The following PTRH1 variants were observed in gnomAD, a reference collection of about 807,000 sequenced individuals.
The protein encoded by PTRH1 is peptidyl-tRNA hydrolase.
In PTRH1, 13 loss-of-function variants were observed where a neutral mutation model predicts 15.7. The ratio of observed to expected loss-of-function variants is 0.83; its 90% CI spans 0.54 to 1.31. The LOEUF (loss-of-function observed/expected upper bound fraction) is 1.31, where lower values mean the gene tolerates loss of function less well. PTRH1 is among the 40% of genes most tolerant of loss of function. The pLI is 0.00. For missense variants in PTRH1, 319 were observed against 296.2 expected, an observed-to-expected ratio of 1.08 and a Z score of -0.56; for synonymous variants, 139 against 136.7, an observed-to-expected ratio of 1.02 and a Z score of -0.12.
chr9:127,713,496 C>CTT (rs58502035), downstream of PTRH1: 73 of 90,930 alleles, frequency 8.0e-4, no homozygotes, highest in East Asian at 1.1e-3. Flanking sequence ...CAGCATCTTT[C>CTT]TTTTTTTTTT....
At chr9:127,704,199 G>A (rs991814798) in intron 1 of PTRH1, among the ~76,000 whole-genome samples, 1 of 152,164 alleles carries the variant, frequency 6.6e-6, no homozygotes, top group Non-Finnish European at 1.5e-5. Context: ...TCCAACATGT[G>A]AGAGTACATA....
At chr9:127,695,709 T>C (rs1317821274) in intron 1 of PTRH1, 1 of 150,912 alleles carries the variant, frequency 6.6e-6, no homozygotes, top group Non-Finnish European at 1.5e-5. Context: ...CCTCTTCTTC[T>C]TCCCCCGACC....
intron 1 of PTRH1, chr9:127,695,151 A>G (rs1173266835): frequency 1.4e-6 from 1 of 692,250 alleles, no homozygotes; most frequent in East Asian, 2.7e-5. Context: ...CCTGGGGAGA[A>G]AAGAATAAAT....
chr9:127,712,326 T>A, downstream of PTRH1: 1 of 1,613,862 alleles, frequency 6.2e-7, no homozygotes, highest in East Asian at 2.2e-5. Flanking sequence ...CCAGGCCACC[T>A]CCTTCCTACA....
chr9:127,712,037 C>G (rs1411422198), downstream of PTRH1: 10 of 1,521,012 alleles, frequency 6.6e-6, no homozygotes, highest in Admixed American at 2.1e-4. Flanking sequence ...CGACCCAGGC[C>G]AGTGACTTCC....
downstream of PTRH1, chr9:127,712,908 A>G: frequency 6.3e-7 from 1 of 1,594,998 alleles, no homozygotes; most frequent in Non-Finnish European, 8.5e-7. Context: ...CCTCAGAGGC[A>G]GCCACAGAGA....
Position 127,715,442 on chromosome 9 carries a change from G to T in PTRH1, c.96+102C>A. 1.3e-6 allele frequency: 2 copies of T among 1,528,842 alleles called. No homozygotes were observed. Among genetic ancestry groups the T allele is most frequent in the Admixed American group, 1.8e-5 (1 of 55,102 alleles). 94.7% of individuals were successfully genotyped at this position (1,528,842 alleles called of 1,614,324 possible). On this transcript the variant is annotated intron_variant, in intron 1 of 4. Coordinates refer to ENST00000543175, the MANE Select transcript of PTRH1 (RefSeq NM_001002913.3). The surrounding 1 kb of genome is among the most constrained non-coding windows in gnomAD (Gnocchi z 5.8). ...GTCGAGCACTGAACTCACCAGTTAA[G>T]AAAACAGAGCAGCAATTTGGGGGCA...
downstream of PTRH1, chr9:127,712,977 T>C (rs764999071): frequency 6.2e-7 from 1 of 1,603,274 alleles, no homozygotes; most frequent in Non-Finnish European, 8.5e-7. Flanking sequence ...GCCAGAAACC[T>C]GGCTCGCCGA....
chr9:127,715,468 C>T lies in PTRH1; in HGVS notation c.96+76G>A. 1 of 1,597,282 alleles carries T rather than the reference C, an allele frequency of 6.3e-7. No homozygotes were observed. On this transcript the variant is annotated intron_variant, in intron 1 of 4. Coordinates refer to ENST00000543175, the MANE Select transcript of PTRH1 (RefSeq NM_001002913.3). The surrounding 1 kb of genome is among the most constrained non-coding windows in gnomAD (Gnocchi z 5.8). ...AAAACAGAGCAGCAATTTGGGGGCA[C>T]TCGGCTCCCGGGACATAATGGCCGA...
At chr9:127,706,045 A>G (rs935731978) in intron 1 of PTRH1, among the ~76,000 whole-genome samples, 1 of 152,258 alleles carries the variant, frequency 6.6e-6, no homozygotes, top group Non-Finnish European at 1.5e-5. Context: ...AAGTGCCCCC[A>G]GCATCCCTGG....
At chr9:127,701,126 T>A (rs1208104522) in intron 1 of PTRH1, among the ~76,000 whole-genome samples, 1 of 152,212 alleles carries the variant, frequency 6.6e-6, no homozygotes, top group Non-Finnish European at 1.5e-5. Context: ...AGCCAACCCG[T>A]TCAGCATAAA....
At chr9:127,697,070 G>A (rs1329455676) in intron 1 of PTRH1, among the ~76,000 whole-genome samples, 1 of 152,158 alleles carries the variant, frequency 6.6e-6, no homozygotes, top group African/African-American at 2.4e-5. Context: ...CTGGTCCCCT[G>A]TGCATTACCT....
In PTRH1 at chr9:127,715,064, A is replaced by G; in HGVS notation, c.227T>C (p.Leu76Pro). Residue 76 changes from leucine to proline, a missense_variant, in exon 2 of 5, where the codon CTC becomes CCC. Physicochemically the swap from Leu to Pro is moderately conservative, Grantham distance 98. Coordinates refer to ENST00000543175, the MANE Select transcript of PTRH1 (RefSeq NM_001002913.3). This position sits in a 1 kb window ranked among gnomAD's most constrained non-coding sequence, Gnocchi z 5.8. ...GGCATCCCCCAGCGGGGCCAGGGCG[A>G]GGTCGGCGGCACAGTGCCGGTCGCG... ...WTRDRHCAAD[L>P]ALAPLGDAQL... The G allele has an allele frequency of 6.5e-7, 1 of 1,527,920 alleles. No individual in the cohort carries two copies. The highest frequency in any genetic ancestry group is 8.7e-7 in the Non-Finnish European group (1 of 1,143,512). The allele number at this position is 1,527,920 out of a possible 1,614,324, so 94.6% of individuals were successfully genotyped here. A position where few individuals can be genotyped will look rare whatever the true frequency, so the allele number is the denominator to read the frequency against.
chr9:127,695,366 T>C (rs985407128), intron 1 of PTRH1: 3 of 509,010 alleles, frequency 5.9e-6, no homozygotes, highest in Non-Finnish European at 1.0e-5. Flanking sequence ...TATATAAAGC[T>C]TCAATGTTGC....
At chr9:127,694,661 C>T (rs902307354) in intron 2 of PTRH1, among the ~76,000 whole-genome samples, 2 of 151,920 alleles carry the variant, frequency 1.3e-5, no homozygotes, top group Non-Finnish European at 2.9e-5. Flanking sequence ...GAGGTGGGTG[C>T]ACAGGCCCCC....
At position 127,715,070 on chromosome 9, in the gene PTRH1, GC is replaced by G. The variant is rs764856136; in HGVS notation, c.220del (p.Ala74ProfsTer22). 6.5e-7 allele frequency: 1 copy of G among 1,528,504 alleles called. No homozygotes were observed. The highest frequency in any genetic ancestry group is 1.2e-5 in the South Asian group (1 of 83,398). 94.7% of individuals were successfully genotyped at this position (1,528,504 alleles called of 1,614,324 possible). ...CCCCAGCGGGGCCAGGGCGAGGTCG[GC>G]GGCACAGTGCCGGTCGCGCGTCCAA... is the stretch of plus-strand genomic sequence containing the variant. Reference protein sequence around the residue: ...ESWTRDRHCAADLALAPLGDA... With the variant: ...ESWTRDRHCAXDLALAPLGDA... On this transcript the variant is annotated frameshift_variant, in exon 2 of 5. Coordinates refer to ENST00000543175, the MANE Select transcript of PTRH1 (RefSeq NM_001002913.3). LOFTEE classifies it high-confidence loss of function. The surrounding 1 kb of genome is among the most constrained non-coding windows in gnomAD (Gnocchi z 5.8).
chr9:127,696,966 T>C (rs900126033), intron 1 of PTRH1, among the ~76,000 whole-genome samples: 1 of 152,044 alleles, frequency 6.6e-6, no homozygotes, highest in Admixed American at 6.6e-5. Context: ...TCAAGGATGA[T>C]GATTTTACAC....
chr9:127,706,173 C>G (rs931508869), intron 1 of PTRH1, among the ~76,000 whole-genome samples: 1 of 152,202 alleles, frequency 6.6e-6, no homozygotes, highest in South Asian at 2.1e-4. Flanking sequence ...AAATGTGAGC[C>G]CACTTTTGAC....
chr9:127,713,783 A>C (rs766635213), downstream of PTRH1: 10 of 1,483,298 alleles, frequency 6.7e-6, no homozygotes, highest in South Asian at 7.9e-5. Flanking sequence ...CTGGGATTAT[A>C]GGTGTGAGCC....
Sources: gnomAD v4.1 joint callset for allele counts (sites outside exome capture counted in the v4.1 genomes callset) on GRCh38, gnomAD v4.1.1 for gene constraint, Gnocchi (gnomAD v3.1) non-coding constraint, MANE v1.5 for transcripts, NCBI Gene and HGNC (gene_info 2026-07-23, HGNC 2026-07-21) for gene names.